Variants in ADGRL3 observed in about 807,000 individuals in gnomAD.
ADGRL3 encodes the protein calcium-independent alpha-latrotoxin receptor 3.
Under a neutral mutation model 153.5 loss-of-function variants are expected in ADGRL3, and 62 were observed. The ratio of observed to expected loss-of-function variants is 0.40; its 90% CI spans 0.33 to 0.50. ADGRL3 has a LOEUF of 0.50. Among genes scored for constraint, ADGRL3 ranks in the 20% least tolerant of loss-of-function variants. The pLI, the probability that ADGRL3 is intolerant of heterozygous loss-of-function variation, is 0.47. For missense variants in ADGRL3, 1,641 were observed against 1,859.4 expected (o/e 0.88, Z 2.16); for synonymous variants, 710 against 672.5 (o/e 1.06, Z -0.86).
intron 9 of ADGRL3, among the ~76,000 whole-genome samples, chr4:61,849,596 G>A (rs2098177662): frequency 6.6e-6 from 1 of 151,996 alleles, no homozygotes; most frequent in African/African-American, 2.4e-5. Flanking sequence ...CTTCTCTGCA[G>A]CATTTTTGGG....
At chr4:61,695,057 C>T (rs934338641) in intron 6 of ADGRL3, among the ~76,000 whole-genome samples, 1 of 152,130 alleles carries the variant, frequency 6.6e-6, no homozygotes, top group Non-Finnish European at 1.5e-5. Flanking sequence ...TTATTTCCCC[C>T]ACTGAAATCT....
At chr4:61,791,681 T>C (rs2097343467) in intron 8 of ADGRL3, among the ~76,000 whole-genome samples, 1 of 152,210 alleles carries the variant, frequency 6.6e-6, no homozygotes, top group Non-Finnish European at 1.5e-5. Context: ...AGGTTTTCCA[T>C]GTGGGCCACA....
intron 1 of ADGRL3, among the ~76,000 whole-genome samples, chr4:61,264,356 T>C (rs1424029333): frequency 6.6e-6 from 1 of 151,930 alleles, no homozygotes; most frequent in Non-Finnish European, 1.5e-5. Context: ...CTCTCCACAA[T>C]TGGAACCCCA....
At chr4:61,703,197 G>A (rs1275960426) in intron 6 of ADGRL3, among the ~76,000 whole-genome samples, 4 of 152,102 alleles carry the variant, frequency 2.6e-5, no homozygotes, top group African/African-American at 9.7e-5. Flanking sequence ...TAAAATGGGA[G>A]TAATTATAGT....
At chr4:61,694,042 T>A (rs1483472671) in intron 6 of ADGRL3, among the ~76,000 whole-genome samples, 1 of 152,108 alleles carries the variant, frequency 6.6e-6, no homozygotes, top group Non-Finnish European at 1.5e-5. Flanking sequence ...AAAATACATA[T>A]ACAGAGTGTA....
chr4:61,754,111 T>C (rs1307377228), intron 8 of ADGRL3, among the ~76,000 whole-genome samples: 1 of 152,234 alleles, frequency 6.6e-6, no homozygotes, highest in Non-Finnish European at 1.5e-5. Flanking sequence ...TTTGTAATCA[T>C]TGGCCCCATG....
At chr4:61,489,665 AT>A (rs1009386026) in intron 2 of ADGRL3, among the ~76,000 whole-genome samples, 4 of 151,926 alleles carry the variant, frequency 2.6e-5, no homozygotes, top group South Asian at 2.1e-4. Flanking sequence ...CAAAAGCTGC[AT>A]TTTTTTCTGT....
intron 19 of ADGRL3, among the ~76,000 whole-genome samples, chr4:61,995,300 T>C (rs2099117922): frequency 6.6e-6 from 1 of 152,112 alleles, no homozygotes; most frequent in South Asian, 2.1e-4. Context: ...GAAAATATTG[T>C]ATTTATTCAT....
chr4:61,793,873 A>G (rs2097373900), intron 8 of ADGRL3, among the ~76,000 whole-genome samples: 1 of 152,214 alleles, frequency 6.6e-6, no homozygotes, highest in Admixed American at 6.5e-5. Flanking sequence ...AATTTACCTA[A>G]ATCTATACTA....
At chr4:61,358,613 A>AAAG (rs2096231400) in intron 1 of ADGRL3, among the ~76,000 whole-genome samples, 1 of 151,052 alleles carries the variant, frequency 6.6e-6, no homozygotes, top group Non-Finnish European at 1.5e-5. Context: ...AAAAAAAAAA[A>AAAG]AAAAGAAAGC....
At chr4:61,931,096 A>G (rs2098815700) in intron 13 of ADGRL3, among the ~76,000 whole-genome samples, 1 of 152,204 alleles carries the variant, frequency 6.6e-6, no homozygotes, top group Non-Finnish European at 1.5e-5. Context: ...TAAAGCTTCT[A>G]AGATGGACTT....
At chr4:61,335,174 A>G (rs1353530163) in intron 1 of ADGRL3, among the ~76,000 whole-genome samples, 1 of 152,144 alleles carries the variant, frequency 6.6e-6, no homozygotes, top group East Asian at 1.9e-4. Flanking sequence ...TTGTTTGAAG[A>G]AAAGGCATTT....
chr4:61,395,149 G>A lies in ADGRL3; in HGVS notation c.-174+11960G>A, dbSNP rs567576909. 4.0e-5 allele frequency among the ~76,000 whole-genome samples: 6 copies of A among 151,896 alleles called. No homozygotes were observed. The East Asian group carries it at 1.2e-3, about 29-fold the overall frequency. Reference sequence around the variant, plus strand: ...ATAGTATTCTTGGATTGTCAGTTCCGGGACAATCTAGTGATAAGGTGGTTG... The same window carrying A: ...ATAGTATTCTTGGATTGTCAGTTCCAGGACAATCTAGTGATAAGGTGGTTG... On this transcript the variant is annotated intron_variant, in intron 2 of 26. Transcript: ENST00000683033.
At chr4:61,493,941 G>A (rs1327623689) in intron 2 of ADGRL3, among the ~76,000 whole-genome samples, 1 of 152,134 alleles carries the variant, frequency 6.6e-6, no homozygotes, top group Non-Finnish European at 1.5e-5. Flanking sequence ...ATGGAACAAT[G>A]TTATCTGCTT....
chr4:61,694,063 G>A (rs1034386196), intron 6 of ADGRL3, among the ~76,000 whole-genome samples: 4 of 151,372 alleles, frequency 2.6e-5, no homozygotes, highest in African/African-American at 9.7e-5. Context: ...ATTCTCAAAA[G>A]ATAGTAATAA....
chr4:61,695,776 C>T (rs920856070), intron 6 of ADGRL3, among the ~76,000 whole-genome samples: 15 of 152,066 alleles, frequency 9.9e-5, no homozygotes, highest in Non-Finnish European at 1.8e-4. Context: ...TGTAGTGTAG[C>T]GTAGTAATGT....
intron 4 of ADGRL3, among the ~76,000 whole-genome samples, chr4:61,563,900 C>T (rs1325622701): frequency 6.6e-6 from 1 of 151,966 alleles, no homozygotes; most frequent in Admixed American, 6.6e-5. Context: ...CCCAGCTACT[C>T]GAGAGGCTGA....
chr4:61,744,260 C>T (rs2096623142), intron 8 of ADGRL3, among the ~76,000 whole-genome samples: 1 of 152,198 alleles, frequency 6.6e-6, no homozygotes, highest in African/African-American at 2.4e-5. Context: ...CTGCCTGCCT[C>T]TGTAGACTCC....
At chr4:61,886,715 C>T (rs974367004) in intron 9 of ADGRL3, among the ~76,000 whole-genome samples, 1 of 151,990 alleles carries the variant, frequency 6.6e-6, no homozygotes, top group Non-Finnish European at 1.5e-5. Flanking sequence ...AACCTGGGTT[C>T]ACTTCAACCT....
Sources: allele counts gnomAD v4.1 joint callset (sites outside exome capture counted in the v4.1 genomes callset), GRCh38; gene constraint gnomAD v4.1.1; transcripts MANE v1.5; gene names NCBI Gene and HGNC (gene_info 2026-07-23, HGNC 2026-07-21).